Variants in ANK3 observed in about 807,000 individuals in gnomAD.
ANK3 encodes the protein ankyrin-3.
A neutral mutation model predicts 370.9 loss-of-function variants in ANK3; 57 were observed. The ratio of observed to expected loss-of-function variants is 0.15; its 90% confidence interval spans 0.12 to 0.19. ANK3 has a LOEUF of 0.19. Among genes scored for constraint, ANK3 ranks in the 10% least tolerant of loss-of-function variants. The probability of loss-of-function intolerance (pLI) is 1.00; values close to 1 mark genes in which losing one functional copy is unlikely to be tolerated. For missense variants in ANK3, 4,439 were observed against 5,302.1 expected (o/e 0.84, Z 5.06); for synonymous variants, 1,929 against 1,946.3 (o/e 0.99, Z 0.23).
At chr10:60,031,070 A>G (rs1042889140) in intron 43 of ANK3, among the ~76,000 whole-genome samples, 2 of 141,852 alleles carry the variant, frequency 1.4e-5, no homozygotes, top group African/African-American at 5.4e-5. Context: ...GAGTCAGGAT[A>G]GAGCATCTCA....
intron 23 of ANK3, among the ~76,000 whole-genome samples, chr10:60,156,398 T>C (rs528496939): frequency 5.3e-5 from 8 of 152,254 alleles, no homozygotes; most frequent in African/African-American, 1.9e-4. Context: ...TTCTGCTGAA[T>C]AGAGTGGCTT....
At chr10:60,643,863 C>T (rs1418366441) in intron 1 of ANK3, among the ~76,000 whole-genome samples, 1 of 152,132 alleles carries the variant, frequency 6.6e-6, no homozygotes, top group Non-Finnish European at 1.5e-5. Flanking sequence ...CTTTATCATT[C>T]CCAGAGAATG....
rs140250997 is a variant in ANK3, at chr10:60,336,820, A to C, written c.114+52605T>G. ...CCTTCACAGAACAAAGTGTATATTC[A>C]GTAAGAAAAGTACCCAATGTTTAGA... On this transcript the variant is annotated intron_variant, in intron 1 of 43. Transcript: ENST00000280772. 5.1e-3 allele frequency among the ~76,000 whole-genome samples: 780 copies of C among 152,308 alleles called. 9 individuals carry two copies. Among genetic ancestry groups the C allele is most frequent in the African/African-American group, 0.018 (729 of 41,578 alleles).
At chr10:60,634,459 A>T (rs551373981) in intron 1 of ANK3, among the ~76,000 whole-genome samples, 7 of 152,108 alleles carry the variant, frequency 4.6e-5, no homozygotes, top group Non-Finnish European at 8.8e-5. Flanking sequence ...AGGATTGTAA[A>T]CGGACCAATC....
At chr10:60,137,414 TCAGA>T (rs2094403682) in intron 24 of ANK3, 1 of 198,302 alleles carries the variant, frequency 5.0e-6, no homozygotes, top group Admixed American at 6.4e-5. Flanking sequence ...AAGCAAAAAA[TCAGA>T]CAGGGAAAAA....
At chr10:60,153,781 C>A (rs2095239278) in intron 23 of ANK3, among the ~76,000 whole-genome samples, 1 of 152,132 alleles carries the variant, frequency 6.6e-6, no homozygotes, top group Admixed American at 6.5e-5. Flanking sequence ...ATCAACTATT[C>A]CTTGAGATGC....
chr10:60,261,487 A>C (rs897205370), intron 7 of ANK3, among the ~76,000 whole-genome samples: 8 of 152,242 alleles, frequency 5.3e-5, no homozygotes, highest in Admixed American at 2.0e-4. Context: ...TCCCATTGTA[A>C]GGTCAAGACC....
intron 36 of ANK3, among the ~76,000 whole-genome samples, chr10:60,077,852 A>T (rs1354827240): frequency 6.6e-6 from 1 of 152,168 alleles, no homozygotes; most frequent in Non-Finnish European, 1.5e-5. Flanking sequence ...TATCACAAAC[A>T]CTGAAGCAGT....
At chr10:60,177,242 TTTGCGCCACACTTTTCC>T (rs1206495485) in intron 18 of ANK3, among the ~76,000 whole-genome samples, 7 of 152,204 alleles carry the variant, frequency 4.6e-5, no homozygotes, top group Non-Finnish European at 1.0e-4. Context: ...TTGTCTTTGG[TTTGCGCCACACTTTTCC>T]TTGAGGATCA....
At chr10:60,480,504 T>C (rs748904182) in intron 2 of ANK3, among the ~76,000 whole-genome samples, 1 of 152,052 alleles carries the variant, frequency 6.6e-6, no homozygotes, top group South Asian at 2.1e-4. Flanking sequence ...ACAAAACTGA[T>C]TGTTGGTCAA....
intron 1 of ANK3, among the ~76,000 whole-genome samples, chr10:60,615,732 AG>A (rs2078259368): frequency 1.3e-5 from 2 of 152,234 alleles, no homozygotes; most frequent in South Asian, 4.1e-4. Flanking sequence ...CAGAATAGCA[AG>A]GCTTGTAAAG....
chr10:60,326,454 TTCTC>T (rs2049890916), intron 1 of ANK3, among the ~76,000 whole-genome samples: 1 of 152,168 alleles, frequency 6.6e-6, no homozygotes, highest in South Asian at 2.1e-4. Flanking sequence ...CTCCAAATCT[TTCTC>T]TATCCTGATG....
At chr10:60,131,796 GT>G (rs2094086414) in intron 25 of ANK3, among the ~76,000 whole-genome samples, 2 of 152,262 alleles carry the variant, frequency 1.3e-5, no homozygotes, top group East Asian at 1.9e-4. Flanking sequence ...AGTGGTGGAG[GT>G]GACAGTGATG....
chr10:60,270,318 G>T, intron 4 of ANK3, 89 bp from the exon 5 acceptor site: 1 of 688,252 alleles, frequency 1.5e-6, no homozygotes, highest in South Asian at 3.5e-5. Flanking sequence ...TCCAAGAAGT[G>T]CTCACATACA....
chr10:60,681,191 T>C (rs2079190570), intron 1 of ANK3, among the ~76,000 whole-genome samples: 2 of 152,160 alleles, frequency 1.3e-5, no homozygotes. Flanking sequence ...TCTCTCATCA[T>C]CTTGTTTCCA....
intron 23 of ANK3, among the ~76,000 whole-genome samples, chr10:60,165,463 C>A (rs1213347914): frequency 3.3e-5 from 5 of 152,132 alleles, no homozygotes; most frequent in Non-Finnish European, 5.9e-5. Context: ...ACAGCATTTA[C>A]AAACATTCAG....
intron 23 of ANK3, chr10:60,139,423 A>C (rs2094475747): frequency 1.3e-5 from 3 of 227,756 alleles, no homozygotes; most frequent in African/African-American, 2.3e-5. Flanking sequence ...ACCTCACCTC[A>C]CCCACGATGA....
In ANK3 at chr10:60,071,509, T is replaced by C. The variant is rs2082682030; in HGVS notation, c.9372A>G (p.Thr3124=). The change falls in exon 37 of 44, where the codon ACA becomes ACG. Residue 3124 remains threonine (T), a synonymous_variant. Transcript: ENST00000280772. ...VKKIISQECK[T]VQETRGTFYT... is the part of the protein sequence containing the mutation. ...AAAAGGTCCCCCTGGTTTCTTGTACTGTCTTACATTCCTGACTTATGATTT... is the reference window on the plus strand; with the variant it reads ...AAAAGGTCCCCCTGGTTTCTTGTACCGTCTTACATTCCTGACTTATGATTT... 1.2e-6 allele frequency: 2 copies of C among 1,614,054 alleles called. No individual in the cohort carries two copies. Among genetic ancestry groups the C allele is most frequent in the African/African-American group, 2.7e-5 (2 of 75,036 alleles).
intron 2 of ANK3, among the ~76,000 whole-genome samples, chr10:60,606,686 C>G (rs2078133215): frequency 6.6e-6 from 1 of 152,154 alleles, no homozygotes; most frequent in South Asian, 2.1e-4. Context: ...CAGTCTTTAT[C>G]AGGGAGCATG....
Sources: gnomAD v4.1 joint callset for allele counts (sites outside exome capture counted in the v4.1 genomes callset) on GRCh38, gnomAD v4.1.1 for gene constraint, MANE v1.5 for transcripts, NCBI Gene and HGNC (gene_info 2026-07-23, HGNC 2026-07-21) for gene names.